TTC28: variants seen among roughly 807,000 people sequenced by gnomAD.
The protein encoded by TTC28 is tetratricopeptide repeat domain 28, also known as tetratricopeptide repeat protein 28.
TTC28 carries 61 observed loss-of-function variants against 198.0 expected under a neutral mutation model. The observed-to-expected ratio is 0.31, with a 90% CI of 0.25 to 0.38. TTC28 has a LOEUF of 0.38. Among genes scored for constraint, TTC28 ranks in the 10% least tolerant of loss-of-function variants. The pLI is 1.00. For missense variants in TTC28, 2,678 were observed against 3,164.0 expected, an observed-to-expected ratio of 0.85 and a Z score of 3.69; for synonymous variants, 1,171 against 1,297.8, an observed-to-expected ratio of 0.90 and a Z score of 2.10.
chr22:28,561,728 A>G (rs749756759), intron 2 of TTC28, among the ~76,000 whole-genome samples: 3 of 152,182 alleles, frequency 2.0e-5, no homozygotes, highest in Non-Finnish European at 4.4e-5. Flanking sequence ...AGCCTGGAAC[A>G]TTCTTCCATA....
chr22:28,121,012 G>A (rs770724441), intron 6 of TTC28, among the ~76,000 whole-genome samples: 2 of 152,194 alleles, frequency 1.3e-5, no homozygotes, highest in Non-Finnish European at 2.9e-5. Flanking sequence ...ACTGAAAGGA[G>A]CAAAATGGGA....
chr22:28,489,481 T>C (rs917364631), intron 2 of TTC28, among the ~76,000 whole-genome samples: 4 of 152,194 alleles, frequency 2.6e-5, no homozygotes. Flanking sequence ...ACTTTTAAAA[T>C]AGCCATAAAA....
At chr22:28,585,855 A>G (rs2050307265) in intron 2 of TTC28, among the ~76,000 whole-genome samples, 1 of 152,164 alleles carries the variant, frequency 6.6e-6, no homozygotes, top group Admixed American at 6.5e-5. Flanking sequence ...GAAGGATAGC[A>G]TTAGGAGAAA....
intron 2 of TTC28, among the ~76,000 whole-genome samples, chr22:28,458,142 T>G (rs938731230): frequency 7.9e-5 from 12 of 152,322 alleles, no homozygotes; most frequent in African/African-American, 2.9e-4. Context: ...ATGTTTGCTG[T>G]GTTTTTACCT....
At position 28,348,228 on chromosome 22, in the gene TTC28, TAA is replaced by T. The variant is rs2045939138; in HGVS notation, c.382-41587_382-41586del. On this transcript the variant is annotated intron_variant, in intron 2 of 22. Coordinates refer to ENST00000397906, the MANE Select transcript of TTC28 (RefSeq NM_001145418.2). ...AATGGCAGAACTCACAGATGTGGTC[TAA>T]AAATAGGAGATGCAGCTCCAGCCAT... 4.6e-5 allele frequency among the ~76,000 whole-genome samples: 7 copies of T among 152,308 alleles called. No homozygotes were observed. The South Asian group carries it at 1.5e-3, about 32-fold the overall frequency.
At chr22:28,585,852 A>G (rs1008174780) in intron 2 of TTC28, among the ~76,000 whole-genome samples, 2 of 152,170 alleles carry the variant, frequency 1.3e-5, no homozygotes, top group Admixed American at 1.3e-4. Context: ...GGGGAAGGAT[A>G]GCATTAGGAG....
intron 5 of TTC28, among the ~76,000 whole-genome samples, chr22:28,191,459 G>A (rs1340491965): frequency 6.6e-6 from 1 of 152,354 alleles, no homozygotes; most frequent in South Asian, 2.1e-4. Context: ...AGTGGGTGCA[G>A]CGCACCGAGC....
intron 5 of TTC28, among the ~76,000 whole-genome samples, chr22:28,175,583 A>C (rs952649498): frequency 1.3e-5 from 2 of 151,920 alleles, no homozygotes; most frequent in Non-Finnish European, 2.9e-5. Context: ...AATACAAAAA[A>C]TTATCCGGGC....
At chr22:28,674,679 C>T (rs2051950266) in intron 1 of TTC28, among the ~76,000 whole-genome samples, 1 of 151,724 alleles carries the variant, frequency 6.6e-6, no homozygotes, top group African/African-American at 2.4e-5. Flanking sequence ...ATTAGCTGGG[C>T]ATAGTGGTGC....
Position 28,156,645 on chromosome 22 carries a change from A to T in TTC28, c.1441+6447T>A, listed in dbSNP as rs549618769. 6.0e-4 allele frequency among the ~76,000 whole-genome samples: 92 copies of T among 152,374 alleles called. 3 individuals carry two copies. The South Asian group carries it at 0.018, about 30-fold the overall frequency. The stretch of plus-strand genomic sequence containing the variant: ...CACGTGTGGGCTCACTAACTTCAAC[A>T]GATCAACATCAAAACGAGACGGAAT... On this transcript the variant is annotated intron_variant, in intron 6 of 22. Coordinates refer to ENST00000397906, the MANE Select transcript of TTC28 (RefSeq NM_001145418.2).
chr22:28,003,636 T>A, intron 14 of TTC28, among the ~76,000 whole-genome samples: 1 of 152,124 alleles, frequency 6.6e-6, no homozygotes, highest in East Asian at 1.9e-4. Context: ...TGACAGCACC[T>A]AACTGTGTGA....
chr22:28,316,344 T>C (rs1215825431), intron 2 of TTC28, among the ~76,000 whole-genome samples: 1 of 152,242 alleles, frequency 6.6e-6, no homozygotes, highest in Non-Finnish European at 1.5e-5. Flanking sequence ...TGTTGATTAC[T>C]GTAATTTTTT....
chr22:27,982,869 G>C lies in TTC28; in HGVS notation c.6798C>G (p.His2266Gln). The part of the protein sequence containing the change: ...EMSIKDSPSQ[H>Q]SGRPSPGCDS... ...CGCAGCCGGGCGATGGCCGGCCACT[G>C]TGCTGGCTCGGGCTGTCTTTGATGG... is the stretch of plus-strand genomic sequence containing the variant. The change falls in exon 23 of 23, where the codon CAC becomes CAG. Residue 2266 changes from histidine to glutamine, a missense_variant. Transcript: ENST00000397906. This position sits in a 1 kb window ranked among gnomAD's most constrained non-coding sequence, Gnocchi z 5.2. 1 of 1,549,624 alleles carries C rather than the reference G, an allele frequency of 6.5e-7. No individual in the cohort carries two copies.
At chr22:28,445,630 C>T (rs1169206990) in intron 2 of TTC28, among the ~76,000 whole-genome samples, 2 of 152,128 alleles carry the variant, frequency 1.3e-5, no homozygotes, top group African/African-American at 4.8e-5. Context: ...CTCACTGTCC[C>T]CAGAACATGC....
chr22:28,480,294 C>T (rs1250611866), intron 2 of TTC28, among the ~76,000 whole-genome samples: 1 of 152,126 alleles, frequency 6.6e-6, no homozygotes, highest in Non-Finnish European at 1.5e-5. Flanking sequence ...TCTCATGTAA[C>T]TAAGCTATAC....
chr22:28,441,675 A>T (rs573387654), intron 2 of TTC28, among the ~76,000 whole-genome samples: 1 of 152,262 alleles, frequency 6.6e-6, no homozygotes, highest in African/African-American at 2.4e-5. Flanking sequence ...CATGCACCTC[A>T]CACATGATTT....
At chr22:28,409,552 A>G (rs1466384746) in intron 2 of TTC28, among the ~76,000 whole-genome samples, 19 of 150,124 alleles carry the variant, frequency 1.3e-4, no homozygotes, top group Admixed American at 1.1e-3. Context: ...TACATATGTT[A>G]TATGTGTTTA....
At chr22:28,265,300 G>T (rs950463699) in intron 5 of TTC28, among the ~76,000 whole-genome samples, 1 of 152,146 alleles carries the variant, frequency 6.6e-6, no homozygotes, top group African/African-American at 2.4e-5. Context: ...TTCTGCCTAT[G>T]TGAGGAACTA....
chr22:28,590,463 T>C (rs907349801), intron 2 of TTC28, among the ~76,000 whole-genome samples: 1 of 152,038 alleles, frequency 6.6e-6, no homozygotes. Context: ...GCTTCAGTAA[T>C]ACTCTCTGGC....
Sources: allele counts gnomAD v4.1 joint callset (sites outside exome capture counted in the v4.1 genomes callset), GRCh38; gene constraint gnomAD v4.1.1; non-coding constraint Gnocchi (gnomAD v3.1); transcripts MANE v1.5; gene names NCBI Gene and HGNC (gene_info 2026-07-23, HGNC 2026-07-21).